Variants in RNF13 observed in about 807,000 individuals in gnomAD.
The protein encoded by RNF13 is ring finger protein 13, also known as E3 ubiquitin-protein ligase RNF13.
A neutral mutation model predicts 37.7 loss-of-function variants in RNF13; 19 were observed. The ratio of observed to expected loss-of-function variants is 0.50; its 90% CI spans 0.35 to 0.74. The LOEUF is 0.74. RNF13 is among the 30% of genes least tolerant of loss of function. The pLI is 0.01. For missense variants in RNF13, 375 were observed against 453.0 expected, an observed-to-expected ratio of 0.83 and a Z score of 1.56; for synonymous variants, 144 against 157.8, an observed-to-expected ratio of 0.91 and a Z score of 0.65.
intron 1 of RNF13, among the ~76,000 whole-genome samples, chr3:149,828,570 G>C (rs1378538734): frequency 3.9e-5 from 6 of 152,172 alleles, no homozygotes; most frequent in Non-Finnish European, 2.9e-5. Context: ...CTTGTTTGCT[G>C]TGTGGCTTAT....
At chr3:149,930,052 T>C (rs538417847) in intron 8 of RNF13, among the ~76,000 whole-genome samples, 1 of 152,226 alleles carries the variant, frequency 6.6e-6, no homozygotes, top group South Asian at 2.1e-4. Context: ...CAGCCTCCCA[T>C]GTAGCTGGGA....
intron 5 of RNF13, 54 bp from the exon 6 acceptor site, chr3:149,902,018 G>T: frequency 1.3e-6 from 1 of 753,324 alleles, no homozygotes; most frequent in Non-Finnish European, 2.0e-6. Context: ...AAGAAAAGTT[G>T]ATTATACACT....
intron 8 of RNF13, chr3:149,939,443 C>T (rs1242180869): frequency 3.6e-6 from 2 of 548,588 alleles, no homozygotes; most frequent in African/African-American, 3.8e-5. Context: ...GCATCTTCCT[C>T]CACAGCTACT....
intron 4 of RNF13, among the ~76,000 whole-genome samples, chr3:149,876,466 G>T (rs1172496439): frequency 1.3e-5 from 2 of 152,154 alleles, no homozygotes; most frequent in Non-Finnish European, 2.9e-5. Context: ...CTGCTGTAAT[G>T]TGGCTTTTAT....
At chr3:149,867,900 T>G (rs1226851230) in intron 3 of RNF13, among the ~76,000 whole-genome samples, 1 of 151,920 alleles carries the variant, frequency 6.6e-6, no homozygotes, top group Non-Finnish European at 1.5e-5. Context: ...GATAGTACTT[T>G]TTAATTCGTT....
chr3:149,866,585 G>T (rs1387694751), intron 3 of RNF13, among the ~76,000 whole-genome samples: 1 of 152,142 alleles, frequency 6.6e-6, no homozygotes, highest in Non-Finnish European at 1.5e-5. Flanking sequence ...AACCATCTGG[G>T]AGTGCAGCCT....
intron 3 of RNF13, among the ~76,000 whole-genome samples, chr3:149,861,333 T>C (rs531660439): frequency 8.5e-5 from 13 of 152,288 alleles, no homozygotes; most frequent in South Asian, 8.3e-4. Flanking sequence ...TGCACTTGCA[T>C]GTTTATTATG....
chr3:149,942,320 C>G (rs1008031402), intron 8 of RNF13, among the ~76,000 whole-genome samples: 8 of 152,110 alleles, frequency 5.3e-5, no homozygotes, highest in Admixed American at 3.9e-4. Flanking sequence ...TTAAGTCTTT[C>G]AATCTATGAG....
intron 3 of RNF13, among the ~76,000 whole-genome samples, chr3:149,860,289 A>G (rs900613045): frequency 5.6e-5 from 8 of 142,898 alleles, no homozygotes; most frequent in Non-Finnish European, 1.1e-4. Flanking sequence ...ATATATATAT[A>G]TATATATATA....
At chr3:149,897,704 G>A (rs186092752) in intron 5 of RNF13, among the ~76,000 whole-genome samples, 2 of 152,250 alleles carry the variant, frequency 1.3e-5, no homozygotes, top group African/African-American at 4.8e-5. Flanking sequence ...CCATTTTCAT[G>A]TTTGCTATTA....
At chr3:149,822,566 C>T (rs1339401454) in intron 1 of RNF13, 2 of 152,052 alleles carry the variant, frequency 1.3e-5, no homozygotes, top group Non-Finnish European at 2.9e-5. Flanking sequence ...CACTAAAGAA[C>T]TTGATCTGTA....
intron 1 of RNF13, among the ~76,000 whole-genome samples, chr3:149,825,933 C>T (rs1444359830): frequency 2.6e-5 from 4 of 152,144 alleles, no homozygotes; most frequent in Non-Finnish European, 5.9e-5. Flanking sequence ...TTTGGAATCC[C>T]TCTCTCCTGC....
At chr3:149,823,321 A>G (rs2108317912) in intron 1 of RNF13, among the ~76,000 whole-genome samples, 1 of 152,272 alleles carries the variant, frequency 6.6e-6, no homozygotes, top group East Asian at 1.9e-4. Flanking sequence ...ACTTAGCCAG[A>G]TATGTAGTAA....
intron 1 of RNF13, among the ~76,000 whole-genome samples, chr3:149,824,346 C>T (rs1349049664): frequency 2.0e-5 from 3 of 152,126 alleles, no homozygotes; most frequent in Non-Finnish European, 4.4e-5. Flanking sequence ...TTAAGGACCT[C>T]GGGTTGGGAA....
intron 4 of RNF13, among the ~76,000 whole-genome samples, chr3:149,876,769 ATCTTTTT>A (rs1387764553): frequency 2.3e-5 from 3 of 132,118 alleles, no homozygotes; most frequent in African/African-American, 8.9e-5. Context: ...AAGTCATCAT[ATCTTTTT>A]TTTTTTTTTT....
At chr3:149,818,660 C>T (rs1188338856) in intron 1 of RNF13, among the ~76,000 whole-genome samples, 2 of 152,130 alleles carry the variant, frequency 1.3e-5, no homozygotes, top group East Asian at 3.8e-4. Context: ...TGTCTGTAAT[C>T]CCAGCACTTT....
At chr3:149,904,355 A>G (rs1230083472) in intron 6 of RNF13, among the ~76,000 whole-genome samples, 1 of 151,976 alleles carries the variant, frequency 6.6e-6, no homozygotes, top group East Asian at 1.9e-4. Flanking sequence ...ATGTCATAAT[A>G]GATAAGATAA....
At chr3:149,844,974 C>G (rs2108372658) in intron 1 of RNF13, among the ~76,000 whole-genome samples, 1 of 152,282 alleles carries the variant, frequency 6.6e-6, no homozygotes, top group South Asian at 2.1e-4. Flanking sequence ...CCCCCACGCC[C>G]TGCCAATCCC....
chr3:149,946,977 A>G (rs576358598), intron 8 of RNF13, among the ~76,000 whole-genome samples: 1 of 152,142 alleles, frequency 6.6e-6, no homozygotes, highest in African/African-American at 2.4e-5. Context: ...ATTTTCATTT[A>G]TCTCCAGATA....
Sources: allele counts gnomAD v4.1 joint callset (sites outside exome capture counted in the v4.1 genomes callset), GRCh38; gene constraint gnomAD v4.1.1; transcripts MANE v1.5; gene names NCBI Gene and HGNC (gene_info 2026-07-23, HGNC 2026-07-21).